EHBP1L1: variants seen among roughly 807,000 people sequenced by gnomAD.
EHBP1L1 encodes EH domain-binding protein 1-like protein 1.
Under a neutral mutation model 151.1 loss-of-function variants are expected in EHBP1L1, and 122 were observed. The ratio of observed to expected loss-of-function variants is 0.81; its 90% CI spans 0.70 to 0.94. EHBP1L1 has a LOEUF of 0.94. Ranked by LOEUF, EHBP1L1 falls within the 40% of genes least tolerant of loss-of-function variation. EHBP1L1 has a pLI of 0.00. For missense variants in EHBP1L1, 1,941 were observed against 1,959.8 expected (o/e 0.99, Z 0.18); for synonymous variants, 878 against 810.1 (o/e 1.08, Z -1.42).
Position 65,584,974 on chromosome 11 carries a change from G to T in EHBP1L1, c.3316G>T (p.Ala1106Ser). 6.5e-7 allele frequency: 1 copy of T among 1,533,596 alleles called. No individual in the cohort carries two copies. Among genetic ancestry groups the T allele is most frequent in the African/African-American group, 1.4e-5 (1 of 72,990 alleles). 95.0% of individuals were successfully genotyped at this position (1,533,596 alleles called of 1,614,324 possible). Reference protein sequence around the residue: ...QNNKQAFDGFAALGVSRLLEP... With the variant: ...QNNKQAFDGFSALGVSRLLEP... ...CTTCCCCTAGGCCTTCGATGGCTTC[G>T]CGGCTCTGGGCGTGTCGCGGCTGCT... Residue 1106 changes from alanine to serine, a missense_variant, in exon 12 of 19, where the codon GCG becomes TCG. Physicochemically the swap from Ala to Ser is moderately conservative, Grantham distance 99 (BLOSUM62 1). Coordinates refer to ENST00000309295, the MANE Select transcript of EHBP1L1 (RefSeq NM_001099409.3).
chr11:65,580,993 G>A (rs551745614), intron 6 of EHBP1L1, 65 bp from the exon 7 acceptor site: 3 of 1,538,920 alleles, frequency 1.9e-6, no homozygotes, highest in African/African-American at 1.4e-5. Flanking sequence ...TGGGGGAGGG[G>A]GTCAGGCCTG....
chr11:65,580,232 G>A lies in EHBP1L1; in HGVS notation c.464G>A (p.Gly155Glu). ...GCTGAGCTGAGCCTCACTCTTTCCG[G>A]GGTGCTGCTGCGGGAGGGCCGTGCC... is the stretch of plus-strand genomic sequence containing the variant. ...VQAELSLTLS[G>E]VLLREGRATD... Residue 155 changes from glycine to glutamate, a missense_variant, in exon 5 of 19, where the codon GGG (glycine) becomes GAG (glutamate). Physicochemically the swap from Gly to Glu is moderately conservative, Grantham distance 98. Transcript: ENST00000309295. 1 of 1,613,590 alleles carries A rather than the reference G, an allele frequency of 6.2e-7. No individual in the cohort carries two copies. Among genetic ancestry groups the A allele is most frequent in the South Asian group, 1.1e-5 (1 of 91,092 alleles).
At chr11:65,583,969 C>T (rs1590825605) in intron 9 of EHBP1L1, 1 of 1,406,636 alleles carries the variant, frequency 7.1e-7, no homozygotes, top group Non-Finnish European at 9.2e-7. Flanking sequence ...TGGAGCTGGA[C>T]ACCTCTAAGC....
Position 65,584,819 on chromosome 11 carries a change from C to T in EHBP1L1, c.3301-140C>T, listed in dbSNP as rs1857847229. On this transcript the variant is annotated intron_variant, in intron 11 of 18. Transcript: ENST00000309295. ...GAGGGCGGGCCTTGTTGCTGGATTT[C>T]CCTCGCTAGGAGGGGGCGGTGTTGC... 2.2e-5 allele frequency: 26 copies of T among 1,204,784 alleles called. No individual in the cohort carries two copies. The South Asian group carries it at 3.7e-4, about 17-fold the overall frequency. The allele number at this position is 1,204,784 out of a possible 1,614,324, so 74.6% of individuals were successfully genotyped here.
In EHBP1L1 at chr11:65,579,945, G is replaced by A. The variant is rs757355051; in HGVS notation, c.268G>A (p.Val90Met). 24 of 1,613,650 alleles carry A rather than the reference G, an allele frequency of 1.5e-5. No homozygotes were observed. Among genetic ancestry groups the A allele is most frequent in the East Asian group, 6.7e-5 (3 of 44,898 alleles). The change falls in exon 4 of 19, where the codon GTG becomes ATG. Residue 90 changes from valine to methionine, a missense_variant. Transcript: ENST00000309295. ...GCACCCTTCTTCCCAGGACCCCCAC[G>A]TGGACCAGTATGAGGCCAAAGAGTG... The part of the protein sequence containing the change: ...ISVTLYRDPH[V>M]DQYEAKEWTF...
intron 16 of EHBP1L1, chr11:65,591,452 C>T (rs1352676633): frequency 4.8e-6 from 2 of 417,794 alleles, no homozygotes; most frequent in African/African-American, 4.1e-5. Flanking sequence ...CTTTGTCATC[C>T]TGCAGGGTGG....
In EHBP1L1 at chr11:65,584,228, C is replaced by G. The variant is rs753560291; in HGVS notation, c.3094-13C>G. ...CATTTATACATTCCCTAAGCCCACC[C>G]CTGTGTCCTCAGGCACCACCTGCCC... On this transcript the variant is annotated splice_polypyrimidine_tract_variant and intron_variant, in intron 9 of 18. Coordinates refer to ENST00000309295, the MANE Select transcript of EHBP1L1 (RefSeq NM_001099409.3). 1.3e-5 allele frequency: 21 copies of G among 1,605,302 alleles called. No individual in the cohort carries two copies. In the African/African-American group the frequency reaches 2.6e-4, roughly 20 times the overall value.
At position 65,590,474 on chromosome 11, in the gene EHBP1L1, C is replaced by T. The variant is rs765171637; in HGVS notation, c.4184-19C>T. 5 of 1,611,306 alleles carry T rather than the reference C, an allele frequency of 3.1e-6. No individual in the cohort carries two copies. The highest frequency in any genetic ancestry group is 4.5e-5 in the East Asian group (2 of 44,882). ...ACGGGGCAGGGGGCAGGCCTGGTGA[C>T]TGTCCCTGTCCAATGCAGGTGCCAA... On this transcript the variant is annotated intron_variant, in intron 15 of 18. Transcript: ENST00000309295.
chr11:65,584,905 G>A, intron 11 of EHBP1L1, 54 bp from the exon 12 acceptor site: 1 of 1,524,158 alleles, frequency 6.6e-7, no homozygotes, highest in South Asian at 1.2e-5. Context: ...CTGCAGCGTT[G>A]CCGGGTGGCG....
At chr11:65,591,623 G>T (rs747139927) in intron 16 of EHBP1L1, 177 bp from the exon 17 acceptor site, 172 of 644,748 alleles carry the variant, frequency 2.7e-4, no homozygotes, top group Non-Finnish European at 4.5e-4. Context: ...GAAAACAGAA[G>T]AAAAGCGATA....
chr11:65,591,434 G>C, intron 16 of EHBP1L1: 2 of 386,746 alleles, frequency 5.2e-6, no homozygotes, highest in Non-Finnish European at 9.7e-6. Context: ...CCACTCTGCG[G>C]CCATTGCCTT....
chr11:65,581,477 G>A (rs921550580), intron 8 of EHBP1L1, 62 bp from the exon 9 acceptor site: 40 of 1,415,362 alleles, frequency 2.8e-5, no homozygotes, highest in African/African-American at 1.4e-4. Context: ...GAAGGGTGGC[G>A]GATGGTGCTG....
intron 1 of EHBP1L1, 93 bp from the exon 2 acceptor site, chr11:65,578,984 AG>A: frequency 7.9e-7 from 1 of 1,260,914 alleles, no homozygotes. Context: ...GAAGACCCTG[AG>A]GGAGCTGGGG....
At position 65,581,815 on chromosome 11, in the gene EHBP1L1, G is replaced by T; in HGVS notation, c.1143G>T (p.Met381Ile). The T allele has an allele frequency of 6.2e-7, 1 of 1,613,614 alleles. No individual in the cohort carries two copies. Among genetic ancestry groups the T allele is most frequent in the Non-Finnish European group, 8.5e-7 (1 of 1,179,776 alleles). ...FGRQRLKAEE[M>I]DTEDRPEASG... ...GGCAGAGACTCAAGGCTGAAGAGAT[G>T]GACACTGAGGACAGGCCAGAGGCCA... Residue 381 changes from methionine (M) to isoleucine (I), a missense_variant, in exon 9 of 19, where the codon ATG becomes ATT. Met to Ile is a conservative substitution (Grantham distance 10). Coordinates refer to ENST00000309295, the MANE Select transcript of EHBP1L1 (RefSeq NM_001099409.3).
At position 65,585,849 on chromosome 11, in the gene EHBP1L1, C is replaced by T. The variant is rs1258019294; in HGVS notation, c.3933+258C>T. On this transcript the variant is annotated intron_variant, in intron 12 of 18. Coordinates refer to ENST00000309295, the MANE Select transcript of EHBP1L1 (RefSeq NM_001099409.3). The surrounding 1 kb of genome is among the most constrained non-coding windows in gnomAD (Gnocchi z 4.0). ...GAGCCAAGGCCCACCAGGCAGGGTC[C>T]CCAGCTTTGCGGCCAGCCTGGGATA... Among the ~76,000 whole-genome samples, 1 of 152,210 alleles carries T rather than the reference C, an allele frequency of 6.6e-6. No homozygotes were observed. The highest frequency in any genetic ancestry group is 1.5e-5 in the Non-Finnish European group (1 of 68,038).
chr11:65,591,659 C>T (rs1219528900), intron 16 of EHBP1L1, 141 bp from the exon 17 acceptor site: 2 of 717,052 alleles, frequency 2.8e-6, no homozygotes, highest in African/African-American at 3.5e-5. Flanking sequence ...TAGAGGATAG[C>T]TCTGCGGTCA....
Position 65,583,432 on chromosome 11 carries a change from G to C in EHBP1L1, c.2760G>C (p.Glu920Asp), listed in dbSNP as rs770611619. The C allele has an allele frequency of 3.7e-6, 6 of 1,613,638 alleles. No individual in the cohort carries two copies. The highest frequency in any genetic ancestry group is 1.7e-4 in the Middle Eastern group (1 of 6,060). Residue 920 changes from glutamate (E) to aspartate (D), a missense_variant, in exon 9 of 19, where the codon GAG (glutamate) becomes GAC (aspartate). Coordinates refer to ENST00000309295, the MANE Select transcript of EHBP1L1 (RefSeq NM_001099409.3). Reference protein sequence around the residue: ...RVLGSQEAKAEISGVQGSETQ... With the variant: ...RVLGSQEAKADISGVQGSETQ... ...TAGGATCCCAGGAAGCAAAAGCAGA[G>C]ATTTCAGGAGTACAAGGGTCAGAGA...
At position 65,582,550 on chromosome 11, in the gene EHBP1L1, A is replaced by C; in HGVS notation, c.1878A>C (p.Ala626=). 6.2e-7 allele frequency: 1 copy of C among 1,613,520 alleles called. No individual in the cohort carries two copies. The change falls in exon 9 of 19, where the codon GCA becomes GCC. Residue 626 remains alanine, a synonymous_variant. Transcript: ENST00000309295. ...TGGAGTCAGAGGTTGCTGGGACAGC[A>C]CAGTGTGAGGGACTGGAGACCCAGG... is the stretch of plus-strand genomic sequence containing the variant. The part of the protein sequence containing the change: ...RVLESEVAGT[A]QCEGLETQET...
chr11:65,591,972 T>C lies in EHBP1L1; in HGVS notation c.4358-4T>C. The C allele has an allele frequency of 6.2e-7, 1 of 1,610,850 alleles. No homozygotes were observed. The highest frequency in any genetic ancestry group is 8.5e-7 in the Non-Finnish European group (1 of 1,177,746). On this transcript the variant is annotated splice_polypyrimidine_tract_variant and splice_region_variant and intron_variant, in intron 17 of 18. Transcript: ENST00000309295. The stretch of plus-strand genomic sequence containing the variant: ...TCCTGACGCTTAGCCGCTTCGACCC[T>C]CAGACTGGCAGAAAACGTCCGCTCA...
Sources: gnomAD v4.1 joint callset for allele counts (sites outside exome capture counted in the v4.1 genomes callset) on GRCh38, gnomAD v4.1.1 for gene constraint, Gnocchi (gnomAD v3.1) non-coding constraint, MANE v1.5 for transcripts, NCBI Gene and HGNC (gene_info 2026-07-23, HGNC 2026-07-21) for gene names.